Variants in DEPDC4 observed in about 807,000 individuals in gnomAD.
DEPDC4 encodes the protein DEP domain-containing protein 4.
DEPDC4 carries 52 observed loss-of-function variants against 52.0 expected under a neutral mutation model. The ratio of observed to expected loss-of-function variants is 1.00; its 90% confidence interval spans 0.80 to 1.26. The LOEUF (loss-of-function observed/expected upper bound fraction) is 1.26, where lower values mean the gene tolerates loss of function less well. Among genes scored for constraint, DEPDC4 ranks in the 50% most tolerant of loss-of-function variants. The probability of loss-of-function intolerance (pLI) is 0.00; values close to 1 mark genes in which losing one functional copy is unlikely to be tolerated. For synonymous variants in DEPDC4, 201 were observed against 196.8 expected, an observed-to-expected ratio of 1.02 and a Z score of -0.18; for missense variants, 530 against 546.9, an observed-to-expected ratio of 0.97 and a Z score of 0.31.
At chr12:100,262,553 T>C (rs571924183) in intron 2 of DEPDC4, 144 bp from the exon 3 acceptor site, 2 of 537,318 alleles carry the variant, frequency 3.7e-6, no homozygotes, top group South Asian at 4.3e-5. Flanking sequence ...AAGATGCAAA[T>C]AATTCATTTA....
the DEPDC4 span, among the ~76,000 whole-genome samples, chr12:100,279,897 A>T: frequency 6.6e-6 from 1 of 152,186 alleles, no homozygotes; most frequent in Non-Finnish European, 1.5e-5. Context: ...CATGAAGGGG[A>T]CCAGTTTGCA....
intron 8 of DEPDC4, among the ~76,000 whole-genome samples, chr12:100,243,538 C>A (rs969290138): frequency 2.0e-5 from 3 of 152,146 alleles, no homozygotes; most frequent in Non-Finnish European, 2.9e-5. Context: ...TATACGCTCA[C>A]CTTTACTCTA....
rs769833767 is a variant in DEPDC4, at chr12:100,260,213, C to T, written c.700+2051G>A. Among the ~76,000 whole-genome samples the T allele has an allele frequency of 2.0e-5, 3 of 151,912 alleles. No homozygotes were observed. The East Asian group carries it at 5.8e-4, about 30-fold the overall frequency. ...TCCATTTACTGCAACCTTTGCCTCC[C>T]GGGTTCAAGTGATTCTCATGCCTCA... On this transcript the variant is annotated intron_variant, in intron 3 of 9. Coordinates refer to ENST00000550587, the MANE Select transcript of DEPDC4 (RefSeq NM_001364818.2).
upstream of DEPDC4, among the ~76,000 whole-genome samples, chr12:100,270,552 A>G (rs2096286483): frequency 6.6e-6 from 1 of 152,012 alleles, no homozygotes; most frequent in African/African-American, 2.4e-5. Flanking sequence ...ATCTTTCCTC[A>G]GATCTTACTT....
intron 4 of DEPDC4, among the ~76,000 whole-genome samples, chr12:100,254,818 C>T (rs2096225566): frequency 6.6e-6 from 1 of 152,182 alleles, no homozygotes. Flanking sequence ...AACTCCTGGG[C>T]TCAAGTGATC....
intron 8 of DEPDC4, among the ~76,000 whole-genome samples, chr12:100,243,196 T>C (rs1392585325): frequency 1.3e-5 from 2 of 152,246 alleles, no homozygotes; most frequent in South Asian, 2.1e-4. Flanking sequence ...TACTCACCTA[T>C]TTTCTAACTG....
the DEPDC4 span, among the ~76,000 whole-genome samples, chr12:100,277,503 C>A: frequency 2.6e-5 from 4 of 152,172 alleles, no homozygotes; most frequent in Non-Finnish European, 4.4e-5. Flanking sequence ...TTTGTCATTA[C>A]AAAATGACTT....
chr12:100,241,452 C>A lies in DEPDC4; in HGVS notation c.*440G>T, dbSNP rs1438591200. On this transcript the variant is annotated 3_prime_UTR_variant, in exon 10 of 10. Transcript: ENST00000550587. ...GTGACTCATGCCTATAATCCCAGCA[C>A]TTTAAGAGGCCAAGGCAGGAGGATG... is the stretch of plus-strand genomic sequence containing the variant. Among the ~76,000 whole-genome samples the A allele has an allele frequency of 1.3e-5, 2 of 152,200 alleles. No homozygotes were observed. Among genetic ancestry groups the A allele is most frequent in the Middle Eastern group, 3.4e-3 (1 of 294 alleles).
chr12:100,274,619 CT>C, the DEPDC4 span, among the ~76,000 whole-genome samples: 1 of 152,276 alleles, frequency 6.6e-6, no homozygotes, highest in African/African-American at 2.4e-5. Context: ...TTGCATCCCC[CT>C]CCTCCCACAA....
chr12:100,278,223 A>G, the DEPDC4 span, among the ~76,000 whole-genome samples: 1 of 151,770 alleles, frequency 6.6e-6, no homozygotes, highest in African/African-American at 2.4e-5. Flanking sequence ...TTTTAGAGAG[A>G]GGGTCTTGTT....
At chr12:100,262,183 T>C in intron 3 of DEPDC4, 81 bp downstream of exon 3, 1 of 1,443,522 alleles carries the variant, frequency 6.9e-7, no homozygotes, top group Non-Finnish European at 9.3e-7. Flanking sequence ...TGCCGTGACC[T>C]TGAAACTGCT....
chr12:100,235,350 GGTTT>G (rs1182232580), downstream of DEPDC4, among the ~76,000 whole-genome samples: 1 of 120,990 alleles, frequency 8.3e-6, no homozygotes, highest in Non-Finnish European at 1.7e-5. Context: ...TTTCTTTTAA[GGTTT>G]TTTTTTTTTT....
At chr12:100,232,328 G>A (rs1043055035) in intron 9 of DEPDC4, among the ~76,000 whole-genome samples, 1 of 151,684 alleles carries the variant, frequency 6.6e-6, no homozygotes, top group East Asian at 1.9e-4. Context: ...CCCAGGATGT[G>A]GAGGTTGCAG....
At chr12:100,235,600 A>G (rs1412544929), downstream of DEPDC4, among the ~76,000 whole-genome samples, 1 of 149,372 alleles carries the variant, frequency 6.7e-6, no homozygotes, top group Non-Finnish European at 1.5e-5. Flanking sequence ...CCCAAGATGG[A>G]GTCTTGCTCT....
At chr12:100,270,425 T>C (rs2096286379), upstream of DEPDC4, among the ~76,000 whole-genome samples, 1 of 152,118 alleles carries the variant, frequency 6.6e-6, no homozygotes, top group East Asian at 1.9e-4. Flanking sequence ...GTCACCCCTC[T>C]GCTACTGCTT....
chr12:100,276,331 C>A, the DEPDC4 span, among the ~76,000 whole-genome samples: 8 of 151,798 alleles, frequency 5.3e-5, no homozygotes, highest in South Asian at 2.1e-4. Flanking sequence ...TATTTTCTTT[C>A]TTTTTATTTT....
upstream of DEPDC4, among the ~76,000 whole-genome samples, chr12:100,270,489 C>CTA (rs942622762): frequency 9.2e-5 from 14 of 152,070 alleles, no homozygotes; most frequent in African/African-American, 3.1e-4. Context: ...GTTGTAAAAA[C>CTA]TATAGTTCAC....
Position 100,252,302 on chromosome 12 carries a change from C to T in DEPDC4, c.1249-1G>A. On this transcript the variant is annotated splice_acceptor_variant, in intron 6 of 9. Transcript: ENST00000550587. LOFTEE classifies it high-confidence loss of function. Reference sequence around the variant, plus strand: ...TCAGGACCACTGTTTTATTATCATACTGTAAACAGAAAGATTAACATTAGC... The same window carrying T: ...TCAGGACCACTGTTTTATTATCATATTGTAAACAGAAAGATTAACATTAGC... The T allele has an allele frequency of 6.8e-7, 1 of 1,473,444 alleles. No homozygotes were observed. The highest frequency in any genetic ancestry group is 9.0e-7 in the Non-Finnish European group (1 of 1,116,674). 91.3% of individuals were successfully genotyped at this position (1,473,444 alleles called of 1,614,324 possible). A position where few individuals can be genotyped will look rare whatever the true frequency, so the allele number is the denominator to read the frequency against.
upstream of DEPDC4, among the ~76,000 whole-genome samples, chr12:100,268,166 A>G (rs2096281779): frequency 6.6e-6 from 1 of 152,220 alleles, no homozygotes; most frequent in South Asian, 2.1e-4. Flanking sequence ...TAGTGACTTC[A>G]TTGGAAGGTG....
Sources: gnomAD v4.1 joint callset for allele counts (sites outside exome capture counted in the v4.1 genomes callset) on GRCh38, gnomAD v4.1.1 for gene constraint, MANE v1.5 for transcripts, NCBI Gene and HGNC (gene_info 2026-07-23, HGNC 2026-07-21) for gene names.